ABCA10: variants seen among roughly 807,000 people sequenced by gnomAD.
ABCA10 encodes the protein ATP binding cassette subfamily A member 10, also known as ATP-binding cassette sub-family A member 10.
A neutral mutation model predicts 187.5 loss-of-function variants in ABCA10; 169 were observed. That is an observed-to-expected ratio of 0.90 (90% CI 0.80 to 1.02). The LOEUF (loss-of-function observed/expected upper bound fraction) is 1.02. ABCA10 is among the 50% of genes least tolerant of loss of function. The pLI is 0.00. For synonymous variants in ABCA10, 574 were observed against 601.8 expected, an observed-to-expected ratio of 0.95 and a Z score of 0.68; for missense variants, 1,727 against 1,812.4, an observed-to-expected ratio of 0.95 and a Z score of 0.86.
intron 1 of ABCA10, among the ~76,000 whole-genome samples, chr17:69,242,723 AG>A (rs1423849796): frequency 6.6e-6 from 1 of 152,164 alleles, no homozygotes; most frequent in East Asian, 1.9e-4. Flanking sequence ...CTGGGATTAC[AG>A]GTGTGGGCCA....
Position 69,153,525 on chromosome 17 carries a change from G to A in ABCA10, c.3987C>T (p.Leu1329=), listed in dbSNP as rs146959347. ...TCACAGGAGCCTTAAGTTGTTCCTG[G>A]AGCTTAAGAGCTTCCACCAATCTGA... ...SISRLVEALK[L]QEQLKAPVKT... is the part of the protein sequence containing the mutation. Residue 1329 remains leucine (L), a synonymous_variant, in exon 33 of 39, where the codon CTC becomes CTT. Coordinates refer to ENST00000690296, the MANE Select transcript of ABCA10 (RefSeq NM_001377321.1). 5,557 of 1,614,042 alleles carry A rather than the reference G, an allele frequency of 3.4e-3. 14 individuals carry two copies. The highest frequency in any genetic ancestry group is 4.0e-3 in the Non-Finnish European group (4,721 of 1,180,004).
At chr17:69,166,407 C>G (rs1017910116) in intron 25 of ABCA10, among the ~76,000 whole-genome samples, 2 of 151,948 alleles carry the variant, frequency 1.3e-5, no homozygotes, top group Non-Finnish European at 2.9e-5. Flanking sequence ...AGTTGCCTGC[C>G]ATTTCAAAAT....
chr17:69,169,862 G>T (rs1312683192), intron 25 of ABCA10, among the ~76,000 whole-genome samples: 1 of 152,172 alleles, frequency 6.6e-6, no homozygotes, highest in Non-Finnish European at 1.5e-5. Context: ...GGTTTCATCA[G>T]CTTATTTTAT....
chr17:69,177,971 A>ATATATATATATATATGTT (rs1480621345), intron 22 of ABCA10, among the ~76,000 whole-genome samples: 5 of 56,952 alleles, frequency 8.8e-5, no homozygotes, highest in South Asian at 6.9e-4. Context: ...AAAAAAAAAA[A>ATATATATATATATATGTT]AAATATATAT....
rs538245532 is a variant in ABCA10 at position 69,168,929 on chromosome 17, T to C, written c.3163-3846A>G. ...CCACATGGAACTGTGAGTTCTCCAT[T>C]AAGCCTCTTTGTAATCTTGGGTATA... On this transcript the variant is annotated intron_variant, in intron 25 of 38. Transcript: ENST00000690296. Among the ~76,000 whole-genome samples, 3 of 152,382 alleles carry C rather than the reference T, an allele frequency of 2.0e-5. No individual in the cohort carries two copies. In the East Asian group the frequency reaches 5.8e-4, roughly 29 times the overall value.
chr17:69,182,275 C>T lies in ABCA10; in HGVS notation c.2647G>A (p.Val883Ile). Residue 883 changes from valine (V) to isoleucine (I), a missense_variant, in exon 22 of 39, where the codon GTT becomes ATT. Transcript: ENST00000690296. ...SGDQKDYRFS[V>I]ACNTKKLNCF... ...TTCAATTTCTTGGTATTACACGCAA[C>T]AGAAAATCTGTAATCCTTGAAAAAA... The T allele has an allele frequency of 6.4e-7, 1 of 1,552,406 alleles. No homozygotes were observed. Among genetic ancestry groups the T allele is most frequent in the Non-Finnish European group, 8.7e-7 (1 of 1,149,344 alleles).
At chr17:69,214,166 C>G (rs8065924) in intron 9 of ABCA10, among the ~76,000 whole-genome samples, 1 of 151,984 alleles carries the variant, frequency 6.6e-6, no homozygotes, top group South Asian at 2.1e-4. Context: ...CCTACCTTTA[C>G]GAAAGACAAA....
At chr17:69,226,438 T>C (rs963429466) in intron 2 of ABCA10, among the ~76,000 whole-genome samples, 4 of 152,042 alleles carry the variant, frequency 2.6e-5, no homozygotes, top group African/African-American at 9.7e-5. Context: ...ATAAATCCTG[T>C]TAGCTCCCAC....
intron 22 of ABCA10, among the ~76,000 whole-genome samples, chr17:69,180,499 TA>T (rs938563695): frequency 1.3e-5 from 2 of 150,368 alleles, no homozygotes; most frequent in African/African-American, 2.4e-5. Context: ...GGAGATTGAT[TA>T]AAAAAAAAGG....
At chr17:69,208,373 C>T (rs1022401173) in intron 9 of ABCA10, among the ~76,000 whole-genome samples, 3 of 141,188 alleles carry the variant, frequency 2.1e-5, no homozygotes, top group South Asian at 2.2e-4. Flanking sequence ...ACCAAGATCG[C>T]GCCACTGCAC....
chr17:69,211,348 T>G (rs1000412489), intron 9 of ABCA10, among the ~76,000 whole-genome samples: 1 of 23,732 alleles, frequency 4.2e-5, no homozygotes, highest in African/African-American at 1.7e-4. Flanking sequence ...TATATATATA[T>G]ATATATATAT....
chr17:69,224,517 C>T (rs1055871347), intron 3 of ABCA10, among the ~76,000 whole-genome samples: 1 of 152,060 alleles, frequency 6.6e-6, no homozygotes, highest in African/African-American at 2.4e-5. Context: ...AATAGTTACT[C>T]CTAATGGCAG....
At chr17:69,203,601 A>G (rs2074565233) in intron 9 of ABCA10, among the ~76,000 whole-genome samples, 1 of 152,110 alleles carries the variant, frequency 6.6e-6, no homozygotes. Flanking sequence ...GATCCTCTCA[A>G]ACAGATTAGT....
chr17:69,189,344 T>A (rs1006161429), intron 18 of ABCA10, among the ~76,000 whole-genome samples: 2 of 152,220 alleles, frequency 1.3e-5, no homozygotes, highest in Admixed American at 6.5e-5. Context: ...GAAGTATCTG[T>A]TCATGTCCTT....
At chr17:69,169,028 A>G (rs760016087) in intron 25 of ABCA10, among the ~76,000 whole-genome samples, 44 of 152,336 alleles carry the variant, frequency 2.9e-4, no homozygotes, top group Non-Finnish European at 5.9e-4. Context: ...CTTCATGAAC[A>G]TTTACTATTT....
chr17:69,171,934 CAAA>C (rs555588771), intron 25 of ABCA10, among the ~76,000 whole-genome samples: 11 of 80,250 alleles, frequency 1.4e-4, no homozygotes, highest in Non-Finnish European at 1.8e-4. Flanking sequence ...TTTGGGAAGC[CAAA>C]AAAAAAAAAA....
At chr17:69,223,232 T>G (rs892909081) in intron 3 of ABCA10, among the ~76,000 whole-genome samples, 1 of 152,020 alleles carries the variant, frequency 6.6e-6, no homozygotes, top group Non-Finnish European at 1.5e-5. Flanking sequence ...ATACAAATAC[T>G]CAGAATTTGG....
In ABCA10 at chr17:69,187,871, T is replaced by A; in HGVS notation, c.2140A>T (p.Ile714Phe). ...KSAIDEPDFD[I>F]GKQEKIHVTR... Reference sequence around the variant, plus strand: ...ACATGTATTTTCTCTTGTTTCCCAATGTCAAAATCTACAATCATGTAATAA... The same window carrying A: ...ACATGTATTTTCTCTTGTTTCCCAAAGTCAAAATCTACAATCATGTAATAA... The change falls in exon 19 of 39, where the codon ATT becomes TTT. Residue 714 changes from isoleucine (I) to phenylalanine (F), a missense_variant. Ile to Phe is a conservative substitution (Grantham distance 21, BLOSUM62 0). Transcript: ENST00000690296. The A allele has an allele frequency of 6.2e-7, 1 of 1,613,442 alleles. No homozygotes were observed. The highest frequency in any genetic ancestry group is 1.1e-5 in the South Asian group (1 of 91,046).
In ABCA10 at chr17:69,222,420, G is replaced by A. The variant is rs527282350; in HGVS notation, c.199+113C>T. 3.0e-4 allele frequency: 276 copies of A among 905,672 alleles called. 1 individual carries two copies. The African/African-American group carries it at 3.6e-3, about 12-fold the overall frequency. The allele number at this position is 905,672 out of a possible 1,614,324, so 56.1% of individuals were successfully genotyped here. ...TAAAGACTGATGATTAAGTTCAGAG[G>A]GAAATGTATATTAATTCTTTACTTG... On this transcript the variant is annotated intron_variant, in intron 4 of 38. Transcript: ENST00000690296.
Sources: gnomAD v4.1 joint callset for allele counts (sites outside exome capture counted in the v4.1 genomes callset) on GRCh38, gnomAD v4.1.1 for gene constraint, MANE v1.5 for transcripts, NCBI Gene and HGNC (gene_info 2026-07-23, HGNC 2026-07-21) for gene names.